Variants in USP42 observed in about 807,000 individuals in gnomAD.
USP42 encodes the protein ubiquitin carboxyl-terminal hydrolase 42.
Under a neutral mutation model 113.0 loss-of-function variants are expected in USP42, and 23 were observed. The observed-to-expected ratio is 0.20, with a 90% CI of 0.15 to 0.29. The LOEUF (loss-of-function observed/expected upper bound fraction) is 0.29. USP42 is among the 10% of genes least tolerant of loss of function. The pLI, the probability that USP42 is intolerant of heterozygous loss-of-function variation, is 1.00. For synonymous variants in USP42, 933 were observed against 699.0 expected (o/e 1.33, Z -5.28); for missense variants, 2,174 against 1,779.8 (o/e 1.22, Z -3.99).
the USP42 span, among the ~76,000 whole-genome samples, chr7:6,082,274 G>A: frequency 6.6e-6 from 1 of 151,790 alleles, no homozygotes; most frequent in Non-Finnish European, 1.5e-5. Context: ...GACTACAGGT[G>A]CCCGCCACCA....
intron 11 of USP42, among the ~76,000 whole-genome samples, chr7:6,146,747 G>A (rs563696364): frequency 4.6e-5 from 7 of 152,200 alleles, no homozygotes; most frequent in Non-Finnish European, 8.8e-5. Flanking sequence ...AGTTTGCTCC[G>A]CATCGCACTC....
chr7:6,138,784 T>A (rs1042212159), intron 4 of USP42, among the ~76,000 whole-genome samples: 1 of 152,176 alleles, frequency 6.6e-6, no homozygotes, highest in South Asian at 2.1e-4. Flanking sequence ...GGTTCCATGC[T>A]CCTTAGGAGA....
intron 15 of USP42, among the ~76,000 whole-genome samples, chr7:6,156,504 C>T (rs554977873): frequency 2.0e-5 from 3 of 152,236 alleles, no homozygotes; most frequent in South Asian, 2.1e-4. Context: ...GGCTGGAGTG[C>T]GGTGTTGCAG....
chr7:6,149,452 C>T lies in USP42; in HGVS notation c.1387-131C>T, dbSNP rs1290267009. The T allele has an allele frequency of 3.5e-5, 39 of 1,116,878 alleles. No homozygotes were observed. In the East Asian group the frequency reaches 9.3e-4, roughly 27 times the overall value. 69.2% of individuals were successfully genotyped at this position (1,116,878 alleles called of 1,614,324 possible). ...GATTGAGAAAAACAGAGAACATTTC[C>T]AGGTGTATGAAACTTGTTAGTCCTG... On this transcript the variant is annotated intron_variant, in intron 12 of 17. Coordinates refer to ENST00000306177, the MANE Select transcript of USP42 (RefSeq NM_032172.3).
rs1229477435 is a variant in USP42 at position 6,158,097 on chromosome 7, CTTT to C, written c.3943+1045_3943+1047del. ...ACTTGGAGTTAAGAATGGTTTTAAC[CTTT>C]TTAAGTGGTTGGAAATAATCCCAAA... On this transcript the variant is annotated intron_variant, in intron 16 of 17. Transcript: ENST00000306177. This position sits in a 1 kb window ranked among gnomAD's most constrained non-coding sequence, Gnocchi z 4.2. Among the ~76,000 whole-genome samples the C allele has an allele frequency of 6.6e-6, 1 of 152,178 alleles. No individual in the cohort carries two copies. Among genetic ancestry groups the C allele is most frequent in the African/African-American group, 2.4e-5 (1 of 41,438 alleles).
intron 10 of USP42, 76 bp downstream of exon 10, chr7:6,145,732 A>G: frequency 6.7e-7 from 1 of 1,493,696 alleles, no homozygotes; most frequent in Non-Finnish European, 9.1e-7. Context: ...TGGGGTAGGG[A>G]GAGGTGGAAC....
chr7:6,088,946 G>A, the USP42 span: 1 of 151,188 alleles, frequency 6.6e-6, no homozygotes, highest in African/African-American at 2.5e-5. Context: ...CAAATGCCAT[G>A]AAGGGCCATA....
chr7:6,115,296 C>T lies in USP42; in HGVS notation c.242-27C>T, dbSNP rs752699163. The T allele has an allele frequency of 5.0e-6, 8 of 1,610,576 alleles. No individual in the cohort carries two copies. The East Asian group carries it at 1.8e-4, about 36-fold the overall frequency. On this transcript the variant is annotated intron_variant, in intron 2 of 17. Coordinates refer to ENST00000306177, the MANE Select transcript of USP42 (RefSeq NM_032172.3). ...AGCTTCAGTATGCAAAGCTTGGTTT[C>T]TGACTCTTTCTTGTTTATTTTTCTA...
chr7:6,085,901 C>A, the USP42 span, among the ~76,000 whole-genome samples: 2 of 151,180 alleles, frequency 1.3e-5, no homozygotes, highest in African/African-American at 4.9e-5. Context: ...GCGTGAGCCA[C>A]CGTGCCCAGC....
At chr7:6,151,511 C>T (rs1430326221) in intron 14 of USP42, among the ~76,000 whole-genome samples, 4 of 152,310 alleles carry the variant, frequency 2.6e-5, no homozygotes, top group African/African-American at 9.6e-5. Flanking sequence ...GATCTCAGCT[C>T]ACTGCAGCCT....
rs1290632918 is a variant in USP42, at chr7:6,155,070, T to C, written c.3516T>C (p.Ser1172=). 6.4e-7 allele frequency: 1 copy of C among 1,563,156 alleles called. No individual in the cohort carries two copies. The highest frequency in any genetic ancestry group is 1.9e-5 in the Admixed American group (1 of 52,082). The part of the protein sequence containing the change: ...RRHDSVENSD[S]HVEKKARRSE... The stretch of plus-strand genomic sequence containing the variant: ...ACGACAGTGTGGAGAACAGTGACAG[T>C]CATGTTGAAAAGAAAGCCCGGAGGA... Residue 1172 remains serine, a synonymous_variant, in exon 15 of 18, where the codon AGT becomes AGC. Transcript: ENST00000306177.
chr7:6,161,332 T>TATC lies in USP42; in HGVS notation c.*816_*818dup, dbSNP rs1554352285. The TATC allele has an allele frequency of 1.6e-4, 25 of 152,648 alleles. No homozygotes were observed. The highest frequency in any genetic ancestry group is 1.6e-3 in the Admixed American group (25 of 15,286). The allele number at this position is 152,648 out of a possible 1,614,324, so 9.5% of individuals were successfully genotyped here. On this transcript the variant is annotated 3_prime_UTR_variant, in exon 18 of 18. Coordinates refer to ENST00000306177, the MANE Select transcript of USP42 (RefSeq NM_032172.3). ...GATTTTATTTTTAATATGGATATGCTATCAAACTGTGATACACTTATAATT... is the reference window on the plus strand; with the variant it reads ...GATTTTATTTTTAATATGGATATGCTATCATCAAACTGTGATACACTTATAATT...
intron 3 of USP42, among the ~76,000 whole-genome samples, chr7:6,124,483 C>T (rs892454772): frequency 6.6e-6 from 1 of 151,596 alleles, no homozygotes; most frequent in Non-Finnish European, 1.5e-5. Flanking sequence ...CCAGGCTGGT[C>T]TCAAACTCCT....
chr7:6,082,705 G>C, the USP42 span, among the ~76,000 whole-genome samples: 1 of 134,046 alleles, frequency 7.5e-6, no homozygotes, highest in Non-Finnish European at 1.5e-5. Context: ...CTGCCTCCCA[G>C]GTTCAAGCAA....
intron 14 of USP42, among the ~76,000 whole-genome samples, chr7:6,153,256 G>A (rs1278185286): frequency 6.6e-6 from 1 of 150,412 alleles, no homozygotes. Context: ...CTGGGCAACA[G>A]AGTGGGACTC....
intron 12 of USP42, among the ~76,000 whole-genome samples, chr7:6,148,526 A>G (rs1781849285): frequency 6.6e-6 from 1 of 152,214 alleles, no homozygotes; most frequent in South Asian, 2.1e-4. Context: ...CGATCTGTTT[A>G]CAAGAACACG....
intron 11 of USP42, among the ~76,000 whole-genome samples, chr7:6,147,008 C>T (rs1227767563): frequency 6.6e-6 from 1 of 152,232 alleles, no homozygotes; most frequent in Admixed American, 6.5e-5. Context: ...ATACGCTTTT[C>T]ACTCACTCAC....
intron 3 of USP42, among the ~76,000 whole-genome samples, chr7:6,130,434 C>T (rs763920483): frequency 7.2e-5 from 11 of 152,154 alleles, no homozygotes; most frequent in Non-Finnish European, 1.3e-4. Context: ...TGACCCTCAC[C>T]GGGGGCTGGG....
chr7:6,096,069 T>G, the USP42 span, among the ~76,000 whole-genome samples: 17 of 151,118 alleles, frequency 1.1e-4, 2 homozygotes, highest in African/African-American at 4.0e-4. Flanking sequence ...CCTGGATGCA[T>G]GTTTTGGAAT....
Sources: allele counts gnomAD v4.1 joint callset (sites outside exome capture counted in the v4.1 genomes callset), GRCh38; gene constraint gnomAD v4.1.1; non-coding constraint Gnocchi (gnomAD v3.1); transcripts MANE v1.5; gene names NCBI Gene and HGNC (gene_info 2026-07-23, HGNC 2026-07-21).